WWP2: variants seen among roughly 807,000 people sequenced by gnomAD.
WWP2 encodes WW domain containing E3 ubiquitin protein ligase 2, also known as NEDD4-like E3 ubiquitin-protein ligase WWP2.
Under a neutral mutation model 121.0 loss-of-function variants are expected in WWP2, and 57 were observed. The ratio of observed to expected loss-of-function variants is 0.47; its 90% CI spans 0.38 to 0.59. WWP2 has a LOEUF of 0.59. WWP2 is among the 20% of genes least tolerant of loss of function. The pLI, the probability that WWP2 is intolerant of heterozygous loss-of-function variation, is 0.00. For missense variants in WWP2, 962 were observed against 1,158.9 expected, an observed-to-expected ratio of 0.83 and a Z score of 2.47; for synonymous variants, 449 against 441.3, an observed-to-expected ratio of 1.02 and a Z score of -0.22.
intron 1 of WWP2, among the ~76,000 whole-genome samples, chr16:69,777,759 T>C (rs1412380862): frequency 6.6e-6 from 1 of 151,434 alleles, no homozygotes; most frequent in African/African-American, 2.4e-5. Flanking sequence ...TTATATTATA[T>C]ATAAATATGT....
rs1057029482 is a variant in WWP2 at position 69,937,531 on chromosome 16, C to G, written c.2239-17C>G. On this transcript the variant is annotated splice_polypyrimidine_tract_variant and intron_variant, in intron 20 of 23. Transcript: ENST00000359154. This position sits in a 1 kb window ranked among gnomAD's most constrained non-coding sequence, Gnocchi z 6.6. ...GGGAGGGACCTGCCGGGGATGCTGA[C>G]TGCCGCCTCTCCCCAGCTGATGCTG... 1 of 1,613,368 alleles carries G rather than the reference C, an allele frequency of 6.2e-7. No individual in the cohort carries two copies. Among genetic ancestry groups the G allele is most frequent in the African/African-American group, 1.3e-5 (1 of 74,900 alleles).
At chr16:69,777,458 G>A (rs181429139) in intron 1 of WWP2, among the ~76,000 whole-genome samples, 176 of 151,570 alleles carry the variant, frequency 1.2e-3, no homozygotes, top group Middle Eastern at 3.4e-3. Context: ...CTGCCACCAC[G>A]ACCAGATAAT....
rs755734366 is a variant in WWP2 at position 69,917,726 on chromosome 16, A to G, written c.1022A>G (p.Asp341Gly). ...PLPPGWEKRT[D>G]PRGRFYYVDH... is the part of the protein sequence containing the mutation. ...ATTTCCAGCTGGGAAAAACGCACAGATCCCCGAGGCAGGTTTTACTATGTG... is the reference window on the plus strand; with the variant it reads ...ATTTCCAGCTGGGAAAAACGCACAGGTCCCCGAGGCAGGTTTTACTATGTG... The change falls in exon 10 of 24, where the codon GAT (aspartate) becomes GGT (glycine). Residue 341 changes from aspartate (D) to glycine (G), a missense_variant. Around this residue, in one of 3 missense-constraint regions of WWP2, gnomAD observed 606 missense variants for 772.6 expected, o/e 0.78. Transcript: ENST00000359154. 1 of 1,604,348 alleles carries G rather than the reference A, an allele frequency of 6.2e-7. No individual in the cohort carries two copies. Among genetic ancestry groups the G allele is most frequent in the Non-Finnish European group, 8.5e-7 (1 of 1,171,648 alleles).
chr16:69,800,608 A>G (rs1042916521), intron 4 of WWP2, among the ~76,000 whole-genome samples: 2 of 148,736 alleles, frequency 1.3e-5, no homozygotes, highest in African/African-American at 5.0e-5. Context: ...TCTGTTGCCC[A>G]GGCTGGAGTG....
chr16:69,828,958 G>A (rs1255488338), intron 4 of WWP2, among the ~76,000 whole-genome samples: 5 of 152,050 alleles, frequency 3.3e-5, no homozygotes, highest in African/African-American at 1.2e-4. Context: ...CCTGACAGGT[G>A]TTTCCCTGTC....
intron 11 of WWP2, 85 bp from the exon 12 acceptor site, chr16:69,929,363 G>C (rs2058680299): frequency 7.8e-7 from 1 of 1,275,286 alleles, no homozygotes; most frequent in East Asian, 2.3e-5. Flanking sequence ...CTCAGACCCA[G>C]CACCCAGGAG....
rs1194020678 is a variant in WWP2 at position 69,941,406 on chromosome 16, T to TCTGC, written c.*1469_*1472dup. On this transcript the variant is annotated 3_prime_UTR_variant, in exon 24 of 24. Coordinates refer to ENST00000359154, the MANE Select transcript of WWP2 (RefSeq NM_001270454.2). ...CCCGGCCCGGGAGGTGCAGCCTGCG[T>TCTGC]CTGCCTCTGTCGTGTGTGCTGATTT... 12 of 154,104 alleles carry TCTGC rather than the reference T, an allele frequency of 7.8e-5. No homozygotes were observed. The highest frequency in any genetic ancestry group is 2.6e-4 in the African/African-American group (11 of 41,590). The allele number at this position is 154,104 out of a possible 1,614,324, so 9.5% of individuals were successfully genotyped here. A position where few individuals can be genotyped will look rare whatever the true frequency, so the allele number is the denominator to read the frequency against.
chr16:69,860,591 C>G (rs1198540702), intron 6 of WWP2, among the ~76,000 whole-genome samples: 2 of 152,204 alleles, frequency 1.3e-5, no homozygotes, highest in Admixed American at 1.3e-4. Flanking sequence ...AGCAAAGGGT[C>G]TGACTCTCCC....
chr16:69,859,011 A>G (rs1193097977), intron 6 of WWP2, among the ~76,000 whole-genome samples: 1 of 152,204 alleles, frequency 6.6e-6, no homozygotes, highest in African/African-American at 2.4e-5. Context: ...TCATGCATGT[A>G]TTTGAGAGTT....
chr16:69,895,120 C>G (rs1597123638), intron 8 of WWP2: 1 of 152,164 alleles, frequency 6.6e-6, no homozygotes, highest in Admixed American at 6.5e-5. Flanking sequence ...TTGAGATGGC[C>G]CTTAAGACAC....
intron 6 of WWP2, among the ~76,000 whole-genome samples, chr16:69,864,418 A>G (rs959365559): frequency 3.3e-5 from 5 of 152,298 alleles, no homozygotes; most frequent in African/African-American, 9.6e-5. Context: ...CATGCCAAGC[A>G]TATATTTAAC....
At chr16:69,842,907 G>A (rs564217067) in intron 6 of WWP2, among the ~76,000 whole-genome samples, 3 of 152,218 alleles carry the variant, frequency 2.0e-5, no homozygotes, top group South Asian at 2.1e-4. Flanking sequence ...GGACTCAACC[G>A]ATTCTCCTGT....
Position 69,837,876 on chromosome 16 carries a change from C to T in WWP2, c.341-2250C>T, listed in dbSNP as rs574107433. 5.3e-5 allele frequency among the ~76,000 whole-genome samples: 8 copies of T among 152,096 alleles called. No individual in the cohort carries two copies. In the South Asian group the frequency reaches 1.5e-3, roughly 28 times the overall value. ...CTTACCTTGGAAGATTCTGTGGTCA[C>T]AGCCCAAAAAAGTCTCAGAAGGATC... On this transcript the variant is annotated intron_variant, in intron 4 of 23. Transcript: ENST00000359154.
intron 6 of WWP2, among the ~76,000 whole-genome samples, chr16:69,867,668 T>G (rs1204510808): frequency 2.0e-5 from 3 of 152,150 alleles, no homozygotes; most frequent in Non-Finnish European, 4.4e-5. Flanking sequence ...CCTCAGTTCT[T>G]GAGAGAGGAC....
intron 1 of WWP2, among the ~76,000 whole-genome samples, chr16:69,779,733 A>G (rs1338547133): frequency 6.6e-6 from 1 of 152,214 alleles, no homozygotes; most frequent in Non-Finnish European, 1.5e-5. Context: ...AAAGATTTCT[A>G]AAATATTCTT....
chr16:69,775,305 G>A (rs1407497348), intron 1 of WWP2, among the ~76,000 whole-genome samples: 1 of 152,144 alleles, frequency 6.6e-6, no homozygotes, highest in Admixed American at 6.5e-5. Flanking sequence ...TCTTTCATAG[G>A]CTTTATGACC....
chr16:69,902,272 C>G (rs1003314263), intron 8 of WWP2, among the ~76,000 whole-genome samples: 2 of 152,132 alleles, frequency 1.3e-5, no homozygotes, highest in Admixed American at 6.5e-5. Flanking sequence ...TAGCCTTTAA[C>G]CTGTGAAGAT....
chr16:69,888,236 G>A lies in WWP2; in HGVS notation c.901G>A (p.Ala301Thr), dbSNP rs770269846. 1.3e-5 allele frequency: 21 copies of A among 1,613,912 alleles called. No homozygotes were observed. The highest frequency in any genetic ancestry group is 2.2e-5 in the South Asian group (2 of 91,082). ...CCCAGCGGCTGCCCAGGCCCCCGAC[G>A]CTCTGCCTGCTGGGTGAGTAGTCTT... ...QLPAAAQAPD[A>T]LPAGWEQREL... The change falls in exon 8 of 24, where the codon GCT becomes ACT. Residue 301 changes from alanine to threonine, a missense_variant. This residue lies in a region of WWP2 where 606 missense variants were observed against 772.6 expected (regional missense o/e 0.78). Transcript: ENST00000359154.
Position 69,925,764 on chromosome 16 carries a change from T to C in WWP2, c.1234+280T>C, listed in dbSNP as rs538619683. On this transcript the variant is annotated intron_variant, in intron 11 of 23. Transcript: ENST00000359154. The surrounding 1 kb of genome is among the most constrained non-coding windows in gnomAD (Gnocchi z 4.0). The stretch of plus-strand genomic sequence containing the variant: ...ATGTCCCTGAGCAGCTGGGGGGCTA[T>C]TGGCTTTTGGTCTTGAGTTTCAAGG... 2.0e-5 allele frequency among the ~76,000 whole-genome samples: 3 copies of C among 152,294 alleles called. No individual in the cohort carries two copies. Among genetic ancestry groups the C allele is most frequent in the South Asian group, 4.1e-4 (2 of 4,828 alleles).
Sources: gnomAD v4.1 joint callset for allele counts (sites outside exome capture counted in the v4.1 genomes callset) on GRCh38, gnomAD v4.1.1 for gene constraint, gnomAD v4.1.1 regional missense constraint, Gnocchi (gnomAD v3.1) non-coding constraint, MANE v1.5 for transcripts, NCBI Gene and HGNC (gene_info 2026-07-23, HGNC 2026-07-21) for gene names.